LCORL: variants seen among roughly 807,000 people sequenced by gnomAD.
The protein encoded by LCORL is ligand-dependent nuclear receptor corepressor-like protein.
Under a neutral mutation model 141.8 loss-of-function variants are expected in LCORL, and 41 were observed. The ratio of observed to expected loss-of-function variants is 0.29; its 90% CI spans 0.23 to 0.38. The LOEUF (loss-of-function observed/expected upper bound fraction) is 0.38, where lower values mean the gene tolerates loss of function less well. LCORL is among the 10% of genes least tolerant of loss of function. LCORL has a pLI of 1.00. For missense variants in LCORL, 1,759 were observed against 2,035.0 expected, an observed-to-expected ratio of 0.86 and a Z score of 2.61; for synonymous variants, 618 against 694.1, an observed-to-expected ratio of 0.89 and a Z score of 1.72.
intron 6 of LCORL, among the ~76,000 whole-genome samples, chr4:17,879,914 C>A (rs934912114): frequency 6.6e-6 from 1 of 150,842 alleles, no homozygotes; most frequent in East Asian, 1.9e-4. Context: ...TTAATAAAGC[C>A]AGGTATGTGG....
chr4:17,864,349 C>A (rs1725374000), intron 7 of LCORL, among the ~76,000 whole-genome samples: 3 of 152,060 alleles, frequency 2.0e-5, no homozygotes, highest in Admixed American at 2.0e-4. Flanking sequence ...CCCAGCCTCC[C>A]CAGTAGCTGG....
At chr4:17,990,833 C>CAGTGAATGTGGAAAGATATCTGGCTTTT (rs1276638396) in intron 1 of LCORL, among the ~76,000 whole-genome samples, 1 of 151,770 alleles carries the variant, frequency 6.6e-6, no homozygotes, top group Non-Finnish European at 1.5e-5. Context: ...TCAAAGCCAC[C>CAGTGAATGTGGAAAGATATCTGGCTTTT]AGTGAATGTG....
intron 1 of LCORL, among the ~76,000 whole-genome samples, chr4:18,018,568 C>T (rs1577757169): frequency 6.6e-6 from 1 of 152,072 alleles, no homozygotes; most frequent in East Asian, 1.9e-4. Context: ...AAGAGTTAAA[C>T]GTTTACCTTT....
chr4:17,913,564 T>C (rs977388008), intron 4 of LCORL, among the ~76,000 whole-genome samples: 1 of 152,172 alleles, frequency 6.6e-6, no homozygotes, highest in Non-Finnish European at 1.5e-5. Context: ...AGAAATAACG[T>C]CTGTTTATTA....
At chr4:17,904,515 CTCTT>C (rs1383182031) in intron 5 of LCORL, among the ~76,000 whole-genome samples, 3 of 152,108 alleles carry the variant, frequency 2.0e-5, no homozygotes, top group Non-Finnish European at 4.4e-5. Context: ...ATAATTTCCT[CTCTT>C]TTAGTTTTGC....
In LCORL at chr4:17,901,071, T is replaced by A. The variant is rs180791450; in HGVS notation, c.682+8023A>T. 4.8e-3 allele frequency among the ~76,000 whole-genome samples: 722 copies of A among 151,896 alleles called. 3 individuals carry two copies. Among genetic ancestry groups the A allele is most frequent in the Middle Eastern group, 0.024 (7 of 294 alleles). ...GACAGAAATGTATTGTTCTTTTTTT[T>A]AAAAAAAATGTAATTGCTACTTGGT... On this transcript the variant is annotated intron_variant, in intron 5 of 7. Coordinates refer to ENST00000635767, the Ensembl canonical transcript of LCORL.
chr4:17,916,504 T>G (rs1638829713), intron 4 of LCORL, among the ~76,000 whole-genome samples: 1 of 152,162 alleles, frequency 6.6e-6, no homozygotes, highest in Non-Finnish European at 1.5e-5. Context: ...TTTTGCCATG[T>G]GATGTGCTGG....
intron 4 of LCORL, among the ~76,000 whole-genome samples, chr4:17,937,882 T>C (rs1737125596): frequency 6.6e-6 from 1 of 152,176 alleles, no homozygotes; most frequent in South Asian, 2.1e-4. Context: ...TCATTTGACC[T>C]GGGCTGCACT....
At position 17,863,131 on chromosome 4, in the gene LCORL, C is replaced by G. The variant is rs1053071503; in HGVS notation, c.5602+10257G>C. On this transcript the variant is annotated intron_variant, in intron 7 of 7. Coordinates refer to ENST00000635767, the Ensembl canonical transcript of LCORL. ...AGGAGTTCGAGACCAGCCCGGTCAACATGGTGAAAACCCATCTCTACTAAA... is the reference window on the plus strand; with the variant it reads ...AGGAGTTCGAGACCAGCCCGGTCAAGATGGTGAAAACCCATCTCTACTAAA... Among the ~76,000 whole-genome samples the G allele has an allele frequency of 5.3e-5, 8 of 152,152 alleles. No individual in the cohort carries two copies. In the East Asian group the frequency reaches 1.5e-3, roughly 29 times the overall value.
chr4:17,929,807 C>T (rs1735712829), intron 4 of LCORL, among the ~76,000 whole-genome samples: 1 of 151,978 alleles, frequency 6.6e-6, no homozygotes, highest in Non-Finnish European at 1.5e-5. Context: ...AGGACACTAC[C>T]AAGAAACAAA....
intron 6 of LCORL, chr4:17,880,569 A>G (rs1727429448): frequency 1.9e-5 from 18 of 963,006 alleles, no homozygotes; most frequent in Admixed American, 6.2e-5. Context: ...ACTGCTTCCT[A>G]AAGTAAATCA....
At chr4:17,936,448 G>A (rs2109448314) in intron 4 of LCORL, among the ~76,000 whole-genome samples, 1 of 151,578 alleles carries the variant, frequency 6.6e-6, no homozygotes, top group East Asian at 1.9e-4. Context: ...GTAGAACACT[G>A]GTTTTCCCAT....
At chr4:17,906,150 T>C (rs1265270513) in intron 5 of LCORL, among the ~76,000 whole-genome samples, 1 of 152,230 alleles carries the variant, frequency 6.6e-6, no homozygotes. Flanking sequence ...TGGGTACATA[T>C]ACACACATCC....
At position 17,962,977 on chromosome 4, in the gene LCORL, G is replaced by T; in HGVS notation, c.293C>A (p.Ala98Glu). The T allele has an allele frequency of 6.4e-7, 1 of 1,570,968 alleles. No homozygotes were observed. Among genetic ancestry groups the T allele is most frequent in the Non-Finnish European group, 8.7e-7 (1 of 1,154,084 alleles). ...CATAGCACTAAAACTTACACTGACT[G>T]CTTCTCTCTGTAGGTTACAAAATGA... Residue 98 changes from alanine to glutamate, a missense_variant, in exon 3 of 8, where the codon GCA (alanine) becomes GAA (glutamate). By Grantham distance (107) the Ala-to-Glu change is moderately radical. Coordinates refer to ENST00000635767, the Ensembl canonical transcript of LCORL.
rs928336178 is a variant in LCORL at position 18,007,974 on chromosome 4, C to A, written c.154+13624G>T. ...AAAAGAGTAGTATGTAAAAAAAATA[C>A]AGGATTTTACCAAGAAACTACTTTT... On this transcript the variant is annotated intron_variant, in intron 1 of 7. Coordinates refer to ENST00000635767, the Ensembl canonical transcript of LCORL. Among the ~76,000 whole-genome samples the A allele has an allele frequency of 6.6e-5, 10 of 152,110 alleles. No homozygotes were observed. The South Asian group carries it at 1.9e-3, about 28-fold the overall frequency.
chr4:17,907,907 C>CAT (rs1268977143), intron 5 of LCORL, among the ~76,000 whole-genome samples: 3 of 152,200 alleles, frequency 2.0e-5, no homozygotes, highest in East Asian at 3.8e-4. Context: ...GATATTGTCA[C>CAT]ATAAATACTT....
chr4:17,965,685 G>A (rs1714730622), intron 2 of LCORL, among the ~76,000 whole-genome samples: 1 of 151,958 alleles, frequency 6.6e-6, no homozygotes, highest in African/African-American at 2.4e-5. Flanking sequence ...AACTTTTTGT[G>A]GCTTTTCCAC....
At chr4:17,874,546 T>C (rs1387907720) in exon 7 of LCORL, 2 of 1,233,722 alleles carry the variant, frequency 1.6e-6, no homozygotes, top group Admixed American at 8.5e-5. Flanking sequence ...AAAAGACAAG[T>C]TTCCAAAGGG....
Position 18,021,587 on chromosome 4 carries a change from G to C in LCORL, c.154+11C>G. On this transcript the variant is annotated intron_variant, in intron 1 of 7. Coordinates refer to ENST00000635767, the Ensembl canonical transcript of LCORL. The surrounding 1 kb of genome is among the most constrained non-coding windows in gnomAD (Gnocchi z 5.5). ...CGCGGAGCCCGGGGCCCCGGCCCGC[G>C]TCTCTCTTACCTACACAGTGCATGA... 6.6e-7 allele frequency: 1 copy of C among 1,517,076 alleles called. No individual in the cohort carries two copies. Among genetic ancestry groups the C allele is most frequent in the Non-Finnish European group, 8.8e-7 (1 of 1,133,410 alleles). 94.0% of individuals were successfully genotyped at this position (1,517,076 alleles called of 1,614,324 possible).
Sources: allele counts gnomAD v4.1 joint callset (sites outside exome capture counted in the v4.1 genomes callset), GRCh38; gene constraint gnomAD v4.1.1; non-coding constraint Gnocchi (gnomAD v3.1); transcripts MANE v1.5; gene names NCBI Gene and HGNC (gene_info 2026-07-23, HGNC 2026-07-21).